The following RSPH3 variants were observed in gnomAD, a reference collection of about 807,000 sequenced individuals.
RSPH3 encodes the protein radial spoke head 3.
Under a neutral mutation model 43.8 loss-of-function variants are expected in RSPH3, and 21 were observed. That is an observed-to-expected ratio of 0.48 (90% CI 0.34 to 0.69). RSPH3 has a LOEUF of 0.69. Among genes scored for constraint, RSPH3 ranks in the 30% least tolerant of loss-of-function variants. The pLI is 0.01. For missense variants in RSPH3, 487 were observed against 516.0 expected (o/e 0.94, Z 0.54); for synonymous variants, 173 against 179.8 (o/e 0.96, Z 0.30).
chr6:158,999,701 C>A lies in RSPH3; in HGVS notation c.-151G>T, dbSNP rs142417155. On this transcript the variant is annotated 5_prime_UTR_variant, in exon 1 of 8. Coordinates refer to ENST00000367069, the MANE Select transcript of RSPH3 (RefSeq NM_031924.8). ...GCGACAACAAGGGAGGCGGGCGGGA[C>A]GGGAGGTTACCAGCGCAGGAGGTGG... is the stretch of plus-strand genomic sequence containing the variant. 6 of 1,613,706 alleles carry A rather than the reference C, an allele frequency of 3.7e-6. No individual in the cohort carries two copies. The African/African-American group carries it at 4.0e-5, about 11-fold the overall frequency.
At position 158,977,422 on chromosome 6, in the gene RSPH3, A is replaced by G; in HGVS notation, c.*116T>C. ...TGATTGGCCCAGTCCATTACACAAA[A>G]AGACATACTGACTAAATACAACATA... On this transcript the variant is annotated 3_prime_UTR_variant, in exon 8 of 8. Transcript: ENST00000367069. 2.3e-6 allele frequency: 2 copies of G among 884,450 alleles called. No homozygotes were observed. Among genetic ancestry groups the G allele is most frequent in the Non-Finnish European group, 3.5e-6 (2 of 573,934 alleles). 54.8% of individuals were successfully genotyped at this position (884,450 alleles called of 1,614,324 possible).
intron 1 of RSPH3, among the ~76,000 whole-genome samples, 198 bp downstream of exon 1, chr6:158,999,237 C>CAAA (rs1234976421): frequency 0.018 from 2,697 of 152,344 alleles, 34 homozygotes; most frequent in Middle Eastern, 0.024. Context: ...TAAAAGTTAA[C>CAAA]TGATGCCCAA....
downstream of RSPH3, among the ~76,000 whole-genome samples, chr6:158,970,750 A>T (rs1040933404): frequency 6.6e-6 from 1 of 152,038 alleles, no homozygotes; most frequent in Non-Finnish European, 1.5e-5. Flanking sequence ...ATGGGATTTC[A>T]TCATGTTGGC....
At chr6:158,993,412 G>A (rs907445565) in intron 2 of RSPH3, among the ~76,000 whole-genome samples, 2 of 150,386 alleles carry the variant, frequency 1.3e-5, no homozygotes, top group East Asian at 2.0e-4. Flanking sequence ...CACCGCGCCC[G>A]GCCAACTGGG....
chr6:158,963,633 G>A, the RSPH3 span, among the ~76,000 whole-genome samples: 3 of 147,000 alleles, frequency 2.0e-5, no homozygotes, highest in African/African-American at 5.1e-5. Flanking sequence ...CTAGGCTGCA[G>A]GGCAATGGTG....
At chr6:158,969,986 G>A (rs1044997635), downstream of RSPH3, among the ~76,000 whole-genome samples, 2 of 151,830 alleles carry the variant, frequency 1.3e-5, no homozygotes, top group African/African-American at 4.8e-5. Flanking sequence ...TCTTTGTCTA[G>A]TAAGTTAAAA....
At chr6:158,994,867 T>C (rs1778540341) in intron 1 of RSPH3, among the ~76,000 whole-genome samples, 1 of 152,150 alleles carries the variant, frequency 6.6e-6, no homozygotes, top group Non-Finnish European at 1.5e-5. Flanking sequence ...TTTTTTCATA[T>C]ATTGAAGCCA....
Position 158,986,418 on chromosome 6 carries a change from C to T in RSPH3, c.208G>A (p.Gly70Arg), listed in dbSNP as rs199716916. 394 of 1,610,942 alleles carry T rather than the reference C, an allele frequency of 2.4e-4. 1 individual carries two copies. Among genetic ancestry groups the T allele is most frequent in the Non-Finnish European group, 8.2e-5 (97 of 1,178,920 alleles). Residue 70 changes from glycine (G) to arginine (R), a missense_variant, in exon 3 of 8, where the codon GGA becomes AGA. Gly to Arg is a moderately radical substitution (Grantham distance 125). Transcript: ENST00000367069. ...TYALQTGPLL[G>R]RPDSLELQRQ... Reference sequence around the variant, plus strand: ...TGGAGCTCTAGAGAATCAGGCCGTCCGAGCTAACAGTGATAGAAAATACTT... The same window carrying T: ...TGGAGCTCTAGAGAATCAGGCCGTCTGAGCTAACAGTGATAGAAAATACTT...
rs1470701118 is a variant in RSPH3, at chr6:158,974,038, C to G, written c.*3500G>C. On this transcript the variant is annotated 3_prime_UTR_variant, in exon 8 of 8. Transcript: ENST00000367069. ...GCCAGGATGGCCTCGATCTCCTGAC[C>G]TCGTGATCTGCCTGCCTTGGCCTCC... is the stretch of plus-strand genomic sequence containing the variant. The G allele has an allele frequency of 6.6e-6, 1 of 152,188 alleles. No homozygotes were observed. Among genetic ancestry groups the G allele is most frequent in the African/African-American group, 2.4e-5 (1 of 41,440 alleles). 9.4% of individuals were successfully genotyped at this position (152,188 alleles called of 1,614,324 possible).
At chr6:158,980,650 A>G in intron 6 of RSPH3, 124 bp downstream of exon 6, 2 of 762,864 alleles carry the variant, frequency 2.6e-6, no homozygotes, top group Non-Finnish European at 4.2e-6. Context: ...TAAACAACTA[A>G]AATTGACTTT....
At chr6:158,984,831 A>G (rs531326653) in intron 3 of RSPH3, among the ~76,000 whole-genome samples, 1 of 152,282 alleles carries the variant, frequency 6.6e-6, no homozygotes, top group East Asian at 1.9e-4. Flanking sequence ...CTGAGGAAAT[A>G]GCCAAAAAAA....
chr6:158,983,774 A>G lies in RSPH3; in HGVS notation c.380T>C (p.Ile127Thr). 6.2e-7 allele frequency: 1 copy of G among 1,603,376 alleles called. No individual in the cohort carries two copies. The highest frequency in any genetic ancestry group is 2.2e-5 in the East Asian group (1 of 44,804). Reference protein sequence around the residue: ...LYLEEIADRIIEVDMECQTDA... With the variant: ...LYLEEIADRITEVDMECQTDA... ...TGTTTGGCATTCCATATCAACTTCT[A>G]TTATGCGATCAGCAATTTCTTCAAG... The change falls in exon 4 of 8, where the codon ATA becomes ACA. Residue 127 changes from isoleucine to threonine, a missense_variant. By Grantham distance (89) the Ile-to-Thr change is moderately conservative. Transcript: ENST00000367069.
intron 1 of RSPH3, 126 bp from the exon 2 acceptor site, chr6:158,994,052 G>T: frequency 1.8e-6 from 1 of 548,120 alleles, no homozygotes; most frequent in Non-Finnish European, 3.1e-6. Flanking sequence ...GTTTTAGTGT[G>T]GTCCATAAAA....
rs1778333972 is a variant in RSPH3 at position 158,989,352 on chromosome 6, T to C, written c.205-2931A>G. On this transcript the variant is annotated intron_variant, in intron 2 of 7. Coordinates refer to ENST00000367069, the MANE Select transcript of RSPH3 (RefSeq NM_031924.8). This position sits in a 1 kb window ranked among gnomAD's most constrained non-coding sequence, Gnocchi z 4.3. The stretch of plus-strand genomic sequence containing the variant: ...ATGAGACACTGCGCCCCGACAGAGA[T>C]CCTTTATCACTAGATTGCTGCCTCC... 1.3e-5 allele frequency among the ~76,000 whole-genome samples: 2 copies of C among 152,020 alleles called. No individual in the cohort carries two copies. The highest frequency in any genetic ancestry group is 2.4e-5 in the African/African-American group (1 of 41,404).
At chr6:158,967,820 A>G in the RSPH3 span, among the ~76,000 whole-genome samples, 1 of 151,974 alleles carries the variant, frequency 6.6e-6, no homozygotes, top group Admixed American at 6.6e-5. Context: ...TTATCATAAA[A>G]TACATTTCTT....
chr6:158,988,812 A>G (rs890439231), intron 2 of RSPH3, among the ~76,000 whole-genome samples: 12 of 152,290 alleles, frequency 7.9e-5, no homozygotes, highest in African/African-American at 1.9e-4. Flanking sequence ...TATCTTAGAC[A>G]TCGCTGAATT....
At chr6:158,972,348 T>C (rs1432607980), downstream of RSPH3, among the ~76,000 whole-genome samples, 6 of 152,144 alleles carry the variant, frequency 3.9e-5, no homozygotes, top group African/African-American at 1.4e-4. Flanking sequence ...CTGAATTAGA[T>C]AGTGAAGTAT....
the RSPH3 span, among the ~76,000 whole-genome samples, chr6:158,965,330 G>T: frequency 6.6e-6 from 1 of 152,036 alleles, no homozygotes; most frequent in Non-Finnish European, 1.5e-5. Flanking sequence ...AGTCTGTTGG[G>T]ATTTTGATTG....
At chr6:158,993,814 G>GT in intron 2 of RSPH3, 25 bp downstream of exon 2, 1 of 1,323,904 alleles carries the variant, frequency 7.6e-7, no homozygotes, top group Non-Finnish European at 1.1e-6. Context: ...AGAACACGGT[G>GT]TTAGACTATT....
Sources: allele counts gnomAD v4.1 joint callset (sites outside exome capture counted in the v4.1 genomes callset), GRCh38; gene constraint gnomAD v4.1.1; non-coding constraint Gnocchi (gnomAD v3.1); transcripts MANE v1.5; gene names NCBI Gene and HGNC (gene_info 2026-07-23, HGNC 2026-07-21).